PCNT: variants seen among roughly 807,000 people sequenced by gnomAD.
PCNT encodes pericentrin.
In PCNT, 319 loss-of-function variants were observed where a neutral mutation model predicts 380.4. The ratio of observed to expected loss-of-function variants is 0.84; its 90% CI spans 0.77 to 0.92. The LOEUF (loss-of-function observed/expected upper bound fraction) is 0.92, where lower values mean the gene tolerates loss of function less well. PCNT is among the 40% of genes least tolerant of loss of function. The pLI, the probability that PCNT is intolerant of heterozygous loss-of-function variation, is 0.00. For missense variants in PCNT, 4,400 were observed against 4,255.3 expected (o/e 1.03, Z -0.95); for synonymous variants, 1,845 against 1,735.2 (o/e 1.06, Z -1.57).
rs755805588 is a variant in PCNT, at chr21:46,398,628, G to A, written c.4584+373G>A. Among the ~76,000 whole-genome samples the A allele has an allele frequency of 5.3e-5, 8 of 152,184 alleles. No homozygotes were observed. The East Asian group carries it at 1.4e-3, about 26-fold the overall frequency. On this transcript the variant is annotated intron_variant, in intron 24 of 46. Transcript: ENST00000359568. Reference sequence around the variant, plus strand: ...CACGGCCATGCCGCCGTCCTTTCTCGGGCAACCACTCATCTGTCGTCTATT... The same window carrying A: ...CACGGCCATGCCGCCGTCCTTTCTCAGGCAACCACTCATCTGTCGTCTATT...
At chr21:46,350,869 G>A (rs948963857) in intron 8 of PCNT, among the ~76,000 whole-genome samples, 3 of 152,174 alleles carry the variant, frequency 2.0e-5, no homozygotes, top group Non-Finnish European at 4.4e-5. Context: ...GTTTCCATGA[G>A]GAGGACAGGC....
At chr21:46,380,070 C>T (rs1483318182) in intron 15 of PCNT, among the ~76,000 whole-genome samples, 2 of 150,680 alleles carry the variant, frequency 1.3e-5, no homozygotes, top group African/African-American at 2.4e-5. Context: ...TTAGTCCCAA[C>T]TGGTTTCTCT....
chr21:46,352,182 G>A (rs1029653789), intron 9 of PCNT, among the ~76,000 whole-genome samples: 5 of 152,210 alleles, frequency 3.3e-5, no homozygotes, highest in Admixed American at 2.6e-4. Context: ...TTCATGTGCC[G>A]ACAGAGCCTT....
rs539485268 is a variant in PCNT, at chr21:46,367,146, C to T, written c.3165+7C>T. 6.0e-5 allele frequency: 96 copies of T among 1,610,112 alleles called. No homozygotes were observed. Among genetic ancestry groups the T allele is most frequent in the Non-Finnish European group, 7.5e-5 (88 of 1,179,340 alleles). ...GCTGCAGGGAGTGCACCAGGTAAGG[C>T]GCCAGGGCCCTGCCCCAGCCCAGGG... On this transcript the variant is annotated splice_region_variant and intron_variant, in intron 15 of 46. Coordinates refer to ENST00000359568, the MANE Select transcript of PCNT (RefSeq NM_006031.6).
chr21:46,434,326 C>G (rs2087879960), intron 38 of PCNT, among the ~76,000 whole-genome samples: 1 of 152,244 alleles, frequency 6.6e-6, no homozygotes, highest in South Asian at 2.1e-4. Flanking sequence ...CTGAGCTGCA[C>G]CCTGGTCACC....
chr21:46,372,727 C>T (rs901473873), intron 15 of PCNT, among the ~76,000 whole-genome samples: 1 of 152,154 alleles, frequency 6.6e-6, no homozygotes, highest in Non-Finnish European at 1.5e-5. Flanking sequence ...GGTGATGCAG[C>T]GCCGGATTCT....
chr21:46,419,758 C>T lies in PCNT; in HGVS notation c.7024+1452C>T, dbSNP rs776938904. 3.7e-4 allele frequency among the ~76,000 whole-genome samples: 57 copies of T among 152,254 alleles called. 1 individual carries two copies. The highest frequency in any genetic ancestry group is 2.0e-3 in the Admixed American group (30 of 15,298). The stretch of plus-strand genomic sequence containing the variant: ...CCCTCCTCAACGGTCTCTTATTTAC[C>T]GAGACAGGGTCTTGCTCTCTCACGC... On this transcript the variant is annotated intron_variant, in intron 31 of 46. Transcript: ENST00000359568.
chr21:46,353,074 A>G, intron 9 of PCNT, 30 bp from the exon 10 acceptor site: 1 of 1,589,116 alleles, frequency 6.3e-7, no homozygotes. Context: ...TCCCATTTTA[A>G]GACGATTGCC....
chr21:46,392,546 C>T (rs374262316), intron 21 of PCNT, among the ~76,000 whole-genome samples: 3 of 152,226 alleles, frequency 2.0e-5, no homozygotes, highest in Non-Finnish European at 4.4e-5. Flanking sequence ...TCACTGCCTT[C>T]GTTGGGTTGG....
intron 3 of PCNT, among the ~76,000 whole-genome samples, chr21:46,339,603 C>G (rs1026060369): frequency 2.6e-5 from 4 of 152,272 alleles, no homozygotes; most frequent in Admixed American, 2.0e-4. Flanking sequence ...GAGGGCTAAC[C>G]AGTCTAGTCT....
At chr21:46,365,451 ACTGCCGTGGGGTTCTG>A in intron 14 of PCNT, among the ~76,000 whole-genome samples, 4 of 143,858 alleles carry the variant, frequency 2.8e-5, no homozygotes, top group Admixed American at 6.9e-5. Flanking sequence ...GGTTCTGTTC[ACTGCCGTGGGGTTCTG>A]TTCACTGCCG....
At chr21:46,346,614 C>A in intron 4 of PCNT, 129 bp from the exon 5 acceptor site, 1 of 1,210,908 alleles carries the variant, frequency 8.3e-7, no homozygotes, top group Non-Finnish European at 1.2e-6. Flanking sequence ...CCTGCCCCTG[C>A]TTCCACGGGA....
chr21:46,417,195 T>TG (rs2087062561), intron 30 of PCNT, among the ~76,000 whole-genome samples: 1 of 138,556 alleles, frequency 7.2e-6, no homozygotes, highest in East Asian at 2.1e-4. Flanking sequence ...TTTTTTTTTT[T>TG]TTTTTTTTTT....
At chr21:46,440,479 A>C (rs1014856735) in intron 42 of PCNT, among the ~76,000 whole-genome samples, 1 of 152,268 alleles carries the variant, frequency 6.6e-6, no homozygotes, top group African/African-American at 2.4e-5. Flanking sequence ...GGCCTGGCCC[A>C]GGGGCTTGCC....
chr21:46,440,019 C>T (rs1277892894), intron 41 of PCNT, 64 bp from the exon 42 acceptor site: 19 of 1,599,330 alleles, frequency 1.2e-5, no homozygotes, highest in Middle Eastern at 1.7e-4. Context: ...CCCCCGGCTG[C>T]GTCTCTAAGA....
At chr21:46,422,890 C>T (rs774899285) in intron 32 of PCNT, among the ~76,000 whole-genome samples, 4 of 152,158 alleles carry the variant, frequency 2.6e-5, no homozygotes, top group Non-Finnish European at 5.9e-5. Context: ...GTTTAAAAGT[C>T]GCGGTTTCCA....
intron 9 of PCNT, among the ~76,000 whole-genome samples, chr21:46,352,369 T>TCGCTG (rs1257430210): frequency 6.6e-6 from 1 of 152,144 alleles, no homozygotes; most frequent in East Asian, 1.9e-4. Flanking sequence ...TCTGGGGGTC[T>TCGCTG]GTCTGTCGCT....
intron 14 of PCNT, among the ~76,000 whole-genome samples, chr21:46,365,732 A>G (rs1220479330): frequency 1.5e-4 from 19 of 125,306 alleles, no homozygotes; most frequent in Admixed American, 1.3e-3. Flanking sequence ...GTGGGGTTCT[A>G]TTCACTGCCG....
intron 2 of PCNT, among the ~76,000 whole-genome samples, chr21:46,332,786 A>AT (rs974911563): frequency 6.6e-6 from 1 of 152,220 alleles, no homozygotes; most frequent in Non-Finnish European, 1.5e-5. Flanking sequence ...TTGGGAAGAA[A>AT]TTGAAATGTT....
Sources: gnomAD v4.1 joint callset for allele counts (sites outside exome capture counted in the v4.1 genomes callset) on GRCh38, gnomAD v4.1.1 for gene constraint, MANE v1.5 for transcripts, NCBI Gene and HGNC (gene_info 2026-07-23, HGNC 2026-07-21) for gene names.